Variants in ARHGAP24 observed in about 807,000 individuals in gnomAD.
ARHGAP24 encodes Rho GTPase activating protein 24.
ARHGAP24 carries 50 observed loss-of-function variants against 76.4 expected under a neutral mutation model. The observed-to-expected ratio is 0.65, with a 90% confidence interval of 0.52 to 0.83. The LOEUF (loss-of-function observed/expected upper bound fraction) is 0.83. ARHGAP24 is among the 40% of genes least tolerant of loss of function. The pLI, the probability that ARHGAP24 is intolerant of heterozygous loss-of-function variation, is 0.00. For missense variants in ARHGAP24, 930 were observed against 914.2 expected (o/e 1.02, Z -0.22); for synonymous variants, 345 against 323.3 (o/e 1.07, Z -0.72).
At chr4:85,846,624 AG>A (rs1351083438) in intron 3 of ARHGAP24, among the ~76,000 whole-genome samples, 1 of 152,242 alleles carries the variant, frequency 6.6e-6, no homozygotes, top group East Asian at 1.9e-4. Flanking sequence ...GACATCGCAT[AG>A]TGGTTATTAA....
intron 1 of ARHGAP24, among the ~76,000 whole-genome samples, chr4:85,527,071 G>A (rs1273303141): frequency 6.6e-6 from 1 of 152,116 alleles, no homozygotes; most frequent in African/African-American, 2.4e-5. Context: ...ATAGATCAGT[G>A]TAATGTGTAT....
intron 2 of ARHGAP24, among the ~76,000 whole-genome samples, chr4:85,586,716 G>A (rs1727876644): frequency 6.6e-6 from 1 of 151,948 alleles, no homozygotes. Flanking sequence ...TGGCCAATAT[G>A]GTGAAACCCC....
chr4:85,950,309 A>G (rs527505765), intron 5 of ARHGAP24, among the ~76,000 whole-genome samples: 4 of 148,210 alleles, frequency 2.7e-5, no homozygotes, highest in Non-Finnish European at 5.9e-5. Context: ...ACTGGACAAT[A>G]AAGTGAGACT....
intron 2 of ARHGAP24, among the ~76,000 whole-genome samples, chr4:85,631,662 A>G (rs1196815929): frequency 1.3e-5 from 2 of 152,114 alleles, no homozygotes; most frequent in African/African-American, 4.8e-5. Context: ...CTCATGTGAC[A>G]AAATTATTAC....
Position 85,994,872 on chromosome 4 carries a change from T to C in ARHGAP24, c.1218T>C (p.Ser406=), listed in dbSNP as rs1308142074. 1 of 1,613,840 alleles carries C rather than the reference T, an allele frequency of 6.2e-7. No homozygotes were observed. The highest frequency in any genetic ancestry group is 2.2e-5 in the East Asian group (1 of 44,858). Residue 406 remains serine (S), a synonymous_variant, in exon 9 of 10, where the codon AGT becomes AGC. Transcript: ENST00000395184. ...GCAAAACCAACAGCCCAAAGAACAGTGTTCACAAGCTAGATGTGTCTAGAA... is the reference window on the plus strand; with the variant it reads ...GCAAAACCAACAGCCCAAAGAACAGCGTTCACAAGCTAGATGTGTCTAGAA... ...SGSKTNSPKN[S]VHKLDVSRSP...
At position 85,945,747 on chromosome 4, in the gene ARHGAP24, G is replaced by A. The variant is rs1355306904; in HGVS notation, c.599+3474G>A. On this transcript the variant is annotated intron_variant, in intron 5 of 9. Coordinates refer to ENST00000395184, the MANE Select transcript of ARHGAP24 (RefSeq NM_001025616.3). ...TGCACTCCAGCCTGGGCAACAGGGC[G>A]AGACTCAGCCTCAAAAAAAAAAAAA... 6.6e-5 allele frequency among the ~76,000 whole-genome samples: 9 copies of A among 136,752 alleles called. No individual in the cohort carries two copies. The South Asian group carries it at 1.1e-3, about 17-fold the overall frequency. The allele number at this position is 136,752 out of a possible 152,430, so 89.7% of individuals were successfully genotyped here.
At chr4:85,669,784 T>C (rs1722763635) in intron 2 of ARHGAP24, among the ~76,000 whole-genome samples, 1 of 150,136 alleles carries the variant, frequency 6.7e-6, no homozygotes, top group Admixed American at 6.6e-5. Context: ...CTTCCATAGA[T>C]GATAATAATA....
chr4:85,506,346 C>G (rs931080657), intron 1 of ARHGAP24, among the ~76,000 whole-genome samples: 2 of 152,226 alleles, frequency 1.3e-5, no homozygotes, highest in African/African-American at 4.8e-5. Context: ...GCCCTACCCA[C>G]AGAGGTGGAG....
intron 2 of ARHGAP24, among the ~76,000 whole-genome samples, chr4:85,608,049 C>A (rs1720262084): frequency 6.6e-6 from 1 of 152,100 alleles, no homozygotes; most frequent in Admixed American, 6.5e-5. Flanking sequence ...AATTTCTAAA[C>A]TCTTTAAAGA....
At chr4:85,819,203 G>C (rs982066202) in intron 3 of ARHGAP24, among the ~76,000 whole-genome samples, 3 of 152,150 alleles carry the variant, frequency 2.0e-5, no homozygotes, top group Non-Finnish European at 2.9e-5. Flanking sequence ...ACTTAGAATT[G>C]CCTGGCAGCA....
chr4:85,601,979 G>T (rs1720041825), intron 2 of ARHGAP24, among the ~76,000 whole-genome samples: 1 of 152,084 alleles, frequency 6.6e-6, no homozygotes. Context: ...TCATTATGCA[G>T]AACTATTACT....
chr4:85,928,000 A>G (rs1736106876), intron 4 of ARHGAP24, among the ~76,000 whole-genome samples: 1 of 152,196 alleles, frequency 6.6e-6, no homozygotes, highest in African/African-American at 2.4e-5. Flanking sequence ...TCAAATGAAA[A>G]TGAATTTATA....
At chr4:85,645,709 A>G (rs1721695877) in intron 2 of ARHGAP24, among the ~76,000 whole-genome samples, 1 of 152,138 alleles carries the variant, frequency 6.6e-6, no homozygotes, top group African/African-American at 2.4e-5. Context: ...CTGACTTCCA[A>G]TAAGCATTTC....
At chr4:85,588,506 G>T (rs543629855) in intron 2 of ARHGAP24, among the ~76,000 whole-genome samples, 1 of 152,040 alleles carries the variant, frequency 6.6e-6, no homozygotes, top group Non-Finnish European at 1.5e-5. Context: ...CTATTAGCTC[G>T]CCTGTCTTAT....
intron 2 of ARHGAP24, among the ~76,000 whole-genome samples, chr4:85,628,940 A>C (rs528208873): frequency 2.0e-5 from 3 of 152,246 alleles, no homozygotes; most frequent in South Asian, 4.1e-4. Context: ...CCATTCAGCT[A>C]TTCTATGTGT....
At chr4:85,673,043 T>TAGTC (rs1307178308) in intron 2 of ARHGAP24, among the ~76,000 whole-genome samples, 3 of 152,230 alleles carry the variant, frequency 2.0e-5, no homozygotes, top group Admixed American at 6.5e-5. Flanking sequence ...TTTACAAGGC[T>TAGTC]AGTCAGTGGA....
intron 2 of ARHGAP24, among the ~76,000 whole-genome samples, chr4:85,664,338 CT>C (rs1332426419): frequency 6.6e-6 from 1 of 150,960 alleles, no homozygotes; most frequent in East Asian, 1.9e-4. Flanking sequence ...GTTTGTATTT[CT>C]TTGGGATTGG....
At chr4:85,531,933 A>G (rs1725274532) in intron 1 of ARHGAP24, among the ~76,000 whole-genome samples, 1 of 152,070 alleles carries the variant, frequency 6.6e-6, no homozygotes, top group Non-Finnish European at 1.5e-5. Context: ...ACCAACTAAC[A>G]CCTAGTAGAG....
At chr4:85,894,712 C>A in intron 3 of ARHGAP24, among the ~76,000 whole-genome samples, 1 of 152,020 alleles carries the variant, frequency 6.6e-6, no homozygotes, top group East Asian at 1.9e-4. Context: ...GCAATCCCAG[C>A]ATTTTGGGAG....
Sources: allele counts gnomAD v4.1 joint callset (sites outside exome capture counted in the v4.1 genomes callset), GRCh38; gene constraint gnomAD v4.1.1; transcripts MANE v1.5; gene names NCBI Gene and HGNC (gene_info 2026-07-23, HGNC 2026-07-21).